Variants in MTMR12 observed in about 807,000 individuals in gnomAD.
The protein encoded by MTMR12 is myotubularin-related protein 12.
Under a neutral mutation model 96.7 loss-of-function variants are expected in MTMR12, and 33 were observed. That is an observed-to-expected ratio of 0.34 (90% CI 0.26 to 0.46). MTMR12 has a LOEUF of 0.46. Among genes scored for constraint, MTMR12 ranks in the 20% least tolerant of loss-of-function variants. The pLI is 1.00. For synonymous variants in MTMR12, 298 were observed against 327.2 expected (o/e 0.91, Z 0.96); for missense variants, 721 against 896.1 (o/e 0.80, Z 2.49).
chr5:32,291,400 C>G (rs112984181), intron 1 of MTMR12, among the ~76,000 whole-genome samples: 10 of 152,220 alleles, frequency 6.6e-5, no homozygotes, highest in African/African-American at 2.4e-4. Flanking sequence ...TAGGCTGTAG[C>G]CAATGGTTTG....
In MTMR12 at chr5:32,239,121, C is replaced by T. The variant is rs753270066; in HGVS notation, c.1224G>A (p.Met408Ile). ...CCLISSLVQL[M>I]MDPHCRTRIG... ...TTCTGGTTCTGCAGTGGGGGTCCATCATCAGTTGCACCAGAGAGGAAATGA... is the reference window on the plus strand; with the variant it reads ...TTCTGGTTCTGCAGTGGGGGTCCATTATCAGTTGCACCAGAGAGGAAATGA... Residue 408 changes from methionine (M) to isoleucine (I), a missense_variant, in exon 13 of 16, where the codon ATG becomes ATA. Coordinates refer to ENST00000382142, the MANE Select transcript of MTMR12 (RefSeq NM_001040446.3). 8 of 1,608,778 alleles carry T rather than the reference C, an allele frequency of 5.0e-6. No homozygotes were observed. In the Admixed American group the frequency reaches 8.4e-5, roughly 17 times the overall value.
chr5:32,289,969 C>T (rs558927137), intron 1 of MTMR12, among the ~76,000 whole-genome samples: 25 of 152,324 alleles, frequency 1.6e-4, no homozygotes, highest in Non-Finnish European at 2.1e-4. Context: ...TCCTATTTGG[C>T]CTGTGCAGAA....
chr5:32,290,910 G>C (rs1171522290), intron 1 of MTMR12, among the ~76,000 whole-genome samples: 1 of 152,140 alleles, frequency 6.6e-6, no homozygotes, highest in Non-Finnish European at 1.5e-5. Context: ...TTGACTATGG[G>C]TCAAGTCACC....
At chr5:32,291,857 A>G (rs55790738) in intron 1 of MTMR12, among the ~76,000 whole-genome samples, 1 of 152,010 alleles carries the variant, frequency 6.6e-6, no homozygotes, top group Non-Finnish European at 1.5e-5. Flanking sequence ...CTGGTTGATT[A>G]TATTGGACCT....
chr5:32,304,501 A>AT (rs961043975), intron 1 of MTMR12, among the ~76,000 whole-genome samples: 2 of 152,096 alleles, frequency 1.3e-5, no homozygotes, highest in Non-Finnish European at 1.5e-5. Context: ...TAAGGTATAC[A>AT]TTTTTTTGTA....
rs961473340 is a variant in MTMR12, at chr5:32,279,419, CA to C, written c.82-2678del. On this transcript the variant is annotated intron_variant, in intron 1 of 15. Transcript: ENST00000382142. ...TGAGAAACAGAGCAAAACCGTGTCT[CA>C]AAAAAAAAAGTTACTAACCAAGGAT... Among the ~76,000 whole-genome samples the C allele has an allele frequency of 6.1e-5, 9 of 148,074 alleles. No homozygotes were observed. The South Asian group carries it at 8.5e-4, about 14-fold the overall frequency.
In MTMR12 at chr5:32,235,138, A is replaced by C; in HGVS notation, c.1345-9T>G. On this transcript the variant is annotated splice_polypyrimidine_tract_variant and intron_variant, in intron 13 of 15. Coordinates refer to ENST00000382142, the MANE Select transcript of MTMR12 (RefSeq NM_001040446.3). ...AGCAGGAACACAGGAACCTGCATGA[A>C]AACAAGATACGTTACTTGGTGGGCA... 1 of 1,609,900 alleles carries C rather than the reference A, an allele frequency of 6.2e-7. No individual in the cohort carries two copies. The highest frequency in any genetic ancestry group is 8.5e-7 in the Non-Finnish European group (1 of 1,178,284).
At chr5:32,259,405 CT>C (rs1749271399) in intron 7 of MTMR12, among the ~76,000 whole-genome samples, 4 of 152,200 alleles carry the variant, frequency 2.6e-5, no homozygotes, top group Non-Finnish European at 4.4e-5. Context: ...GAATAGCCAG[CT>C]CTGACCTTGT....
intron 6 of MTMR12, among the ~76,000 whole-genome samples, chr5:32,264,174 T>C (rs1749497279): frequency 1.3e-5 from 2 of 152,178 alleles, no homozygotes; most frequent in Admixed American, 1.3e-4. Flanking sequence ...AGCACCGCTC[T>C]TGCAGCCTAG....
At chr5:32,249,763 T>C (rs1467887883) in intron 8 of MTMR12, among the ~76,000 whole-genome samples, 2 of 152,100 alleles carry the variant, frequency 1.3e-5, no homozygotes, top group Non-Finnish European at 2.9e-5. Flanking sequence ...GTTTTGTTTG[T>C]TTTTCAGGAA....
chr5:32,257,661 C>T (rs564753340), intron 7 of MTMR12, among the ~76,000 whole-genome samples: 1 of 152,026 alleles, frequency 6.6e-6, no homozygotes, highest in South Asian at 2.1e-4. Flanking sequence ...CCCAGCTACT[C>T]GAGAGGCTGA....
chr5:32,244,641 T>G (rs1480403367), intron 10 of MTMR12, among the ~76,000 whole-genome samples: 1 of 152,140 alleles, frequency 6.6e-6, no homozygotes. Flanking sequence ...AAAAGACAGA[T>G]ATCCCTGAAA....
intron 1 of MTMR12, chr5:32,309,675 C>CA (rs1751500899): frequency 6.6e-6 from 1 of 152,106 alleles, no homozygotes; most frequent in African/African-American, 2.4e-5. Context: ...CTCGCTTCAG[C>CA]ATCACATATA....
chr5:32,301,049 G>T (rs2963960), intron 1 of MTMR12, among the ~76,000 whole-genome samples: 1 of 151,944 alleles, frequency 6.6e-6, no homozygotes, highest in East Asian at 1.9e-4. Context: ...CACTGCAGCT[G>T]GGTAACAGAG....
At chr5:32,269,351 T>G (rs1749741234) in intron 5 of MTMR12, among the ~76,000 whole-genome samples, 1 of 152,024 alleles carries the variant, frequency 6.6e-6, no homozygotes, top group African/African-American at 2.4e-5. Context: ...TTATTGTTAT[T>G]GAGACAGAGT....
intron 7 of MTMR12, among the ~76,000 whole-genome samples, chr5:32,259,575 AT>A (rs1749277558): frequency 6.6e-6 from 1 of 152,250 alleles, no homozygotes; most frequent in African/African-American, 2.4e-5. Flanking sequence ...CAAAAACAGC[AT>A]CCTTTAACTT....
At chr5:32,241,521 G>A (rs573280828) in intron 12 of MTMR12, among the ~76,000 whole-genome samples, 2 of 152,306 alleles carry the variant, frequency 1.3e-5, no homozygotes, top group East Asian at 3.9e-4. Flanking sequence ...TAGCTCATAT[G>A]TAACTAGTTA....
At chr5:32,272,496 C>T (rs1749876265) in intron 3 of MTMR12, among the ~76,000 whole-genome samples, 1 of 152,096 alleles carries the variant, frequency 6.6e-6, no homozygotes, top group South Asian at 2.1e-4. Flanking sequence ...CTTTGCACCT[C>T]AGCCTCCTGA....
intron 7 of MTMR12, among the ~76,000 whole-genome samples, chr5:32,260,265 C>T (rs927744890): frequency 3.3e-5 from 5 of 151,432 alleles, no homozygotes; most frequent in South Asian, 2.1e-4. Flanking sequence ...CCAAGAACAG[C>T]GGGAAGCCAC....
Sources: allele counts gnomAD v4.1 joint callset (sites outside exome capture counted in the v4.1 genomes callset), GRCh38; gene constraint gnomAD v4.1.1; transcripts MANE v1.5; gene names NCBI Gene and HGNC (gene_info 2026-07-23, HGNC 2026-07-21).